The following AGAP1 variants were observed in gnomAD, a reference collection of about 807,000 sequenced individuals.
AGAP1 encodes ArfGAP with GTPase domain, ankyrin repeat and PH domain 1.
In AGAP1, 29 loss-of-function variants were observed where a neutral mutation model predicts 105.3. That is an observed-to-expected ratio of 0.28 (90% CI 0.21 to 0.38). The LOEUF is 0.38. Ranked by LOEUF, AGAP1 falls within the 10% of genes least tolerant of loss-of-function variation. The pLI is 1.00. For synonymous variants in AGAP1, 509 were observed against 485.9 expected (o/e 1.05, Z -0.63); for missense variants, 998 against 1,165.1 (o/e 0.86, Z 2.09).
chr2:235,883,155 C>T lies in AGAP1; in HGVS notation c.1051-190C>T, dbSNP rs1168663661. Among the ~76,000 whole-genome samples the T allele has an allele frequency of 6.6e-6, 1 of 151,986 alleles. No homozygotes were observed. Among genetic ancestry groups the T allele is most frequent in the East Asian group, 1.9e-4 (1 of 5,182 alleles). ...TTTAGCAGTTAATTATCCAAAAGAT[C>T]TAGTGTAGCACGTCTCAATGTGTTT... On this transcript the variant is annotated intron_variant, in intron 9 of 17. Transcript: ENST00000304032. This position sits in a 1 kb window ranked among gnomAD's most constrained non-coding sequence, Gnocchi z 4.5.
At chr2:235,941,851 G>GT (rs944749548) in intron 12 of AGAP1, among the ~76,000 whole-genome samples, 7 of 151,026 alleles carry the variant, frequency 4.6e-5, no homozygotes, top group East Asian at 1.9e-4. Context: ...TTTGTTGTTG[G>GT]GGGGGTAAGA....
At position 236,120,351 on chromosome 2, in the gene AGAP1, C is replaced by G. The variant is rs61744659; in HGVS notation, c.2274C>G (p.Asp758Glu). 2 of 1,611,900 alleles carry G rather than the reference C, an allele frequency of 1.2e-6. No homozygotes were observed. Among genetic ancestry groups the G allele is most frequent in the African/African-American group, 1.3e-5 (1 of 74,992 alleles). Reference sequence around the variant, plus strand: ...TGCTGCTGGCACACGGCTCCCGGGACGAGGTGAACGAGACCTGCGGGGAGG... The same window carrying G: ...TGCTGCTGGCACACGGCTCCCGGGAGGAGGTGAACGAGACCTGCGGGGAGG... ...AILLLAHGSR[D>E]EVNETCGEGD... The change falls in exon 17 of 18, where the codon GAC (aspartate) becomes GAG (glutamate). Residue 758 changes from aspartate (D) to glutamate (E), a missense_variant. By Grantham distance (45) the Asp-to-Glu change is conservative. This residue lies in a region of AGAP1 where 235 missense variants were observed against 270.7 expected (regional missense o/e 0.87). Transcript: ENST00000304032. The surrounding 1 kb of genome is among the most constrained non-coding windows in gnomAD (Gnocchi z 6.0).
chr2:235,686,661 A>T (rs1219638809), intron 1 of AGAP1, among the ~76,000 whole-genome samples: 9,502 of 47,788 alleles, frequency 0.2, 1,011 homozygotes, highest in Admixed American at 0.27. Context: ...ATATATATAT[A>T]TATATTTTTT....
At chr2:236,079,940 T>C (rs544113112) in intron 16 of AGAP1, among the ~76,000 whole-genome samples, 70 of 152,316 alleles carry the variant, frequency 4.6e-4, no homozygotes, top group African/African-American at 1.6e-3. Context: ...GTCTAAGATA[T>C]GAGACTTCAG....
At chr2:235,634,777 T>G (rs1946938577) in intron 1 of AGAP1, among the ~76,000 whole-genome samples, 1 of 152,208 alleles carries the variant, frequency 6.6e-6, no homozygotes, top group South Asian at 2.1e-4. Context: ...TTGATCAAAA[T>G]AAAACCATCT....
Position 235,961,817 on chromosome 2 carries a change from C to T in AGAP1, c.1484-6645C>T, listed in dbSNP as rs184135895. 1.1e-4 allele frequency among the ~76,000 whole-genome samples: 17 copies of T among 152,242 alleles called. No individual in the cohort carries two copies. In the East Asian group the frequency reaches 2.5e-3, roughly 23 times the overall value. ...CCAGGAGGCAGAGGTGGCAGTGAGC[C>T]GAGATCACGCCACTGCACTACAGCC... On this transcript the variant is annotated intron_variant, in intron 12 of 17. Transcript: ENST00000304032. This position sits in a 1 kb window ranked among gnomAD's most constrained non-coding sequence, Gnocchi z 5.9.
At chr2:236,093,267 A>G (rs2059110285) in intron 16 of AGAP1, among the ~76,000 whole-genome samples, 1 of 152,002 alleles carries the variant, frequency 6.6e-6, no homozygotes, top group African/African-American at 2.4e-5. Context: ...CACCCCTGGG[A>G]GGGGAGGAAC....
Position 235,750,109 on chromosome 2 carries a change from T to C in AGAP1, c.539-245T>C, listed in dbSNP as rs1324877451. ...ACCCATATTTAAGTCTTTTTCCTTC[T>C]TTCTGAACATTTTAAAATTGCAGTT... On this transcript the variant is annotated intron_variant, in intron 5 of 17. Transcript: ENST00000304032. This position sits in a 1 kb window ranked among gnomAD's most constrained non-coding sequence, Gnocchi z 5.3. Among the ~76,000 whole-genome samples the C allele has an allele frequency of 2.0e-5, 3 of 152,220 alleles. No homozygotes were observed. Among genetic ancestry groups the C allele is most frequent in the African/African-American group, 7.2e-5 (3 of 41,450 alleles).
At position 235,574,739 on chromosome 2, in the gene AGAP1, G is replaced by A. The variant is rs1408997302; in HGVS notation, c.163+79890G>A. Among the ~76,000 whole-genome samples, 1 of 152,140 alleles carries A rather than the reference G, an allele frequency of 6.6e-6. No individual in the cohort carries two copies. Among genetic ancestry groups the A allele is most frequent in the Non-Finnish European group, 1.5e-5 (1 of 68,030 alleles). ...GAATAATGGACCAAGTACACCAGGAGGGAATGAACGAGAAAAATAAAAGAA... is the reference window on the plus strand; with the variant it reads ...GAATAATGGACCAAGTACACCAGGAAGGAATGAACGAGAAAAATAAAAGAA... On this transcript the variant is annotated intron_variant, in intron 1 of 17. Coordinates refer to ENST00000304032, the MANE Select transcript of AGAP1 (RefSeq NM_001037131.3). This position sits in a 1 kb window ranked among gnomAD's most constrained non-coding sequence, Gnocchi z 5.0.
At chr2:236,060,095 C>T (rs1029891712) in intron 16 of AGAP1, among the ~76,000 whole-genome samples, 1 of 150,982 alleles carries the variant, frequency 6.6e-6, no homozygotes, top group Admixed American at 6.6e-5. Context: ...CGTCTCAAAA[C>T]ACACACACAC....
Position 235,714,566 on chromosome 2 carries a change from G to C in AGAP1, c.223-2991G>C, listed in dbSNP as rs900234424. 3.3e-5 allele frequency among the ~76,000 whole-genome samples: 5 copies of C among 151,716 alleles called. No individual in the cohort carries two copies. The highest frequency in any genetic ancestry group is 7.4e-5 in the Non-Finnish European group (5 of 67,968). ...GGGAGCGGGCAGATGAGAGGCGGGA[G>C]GGTTGTAACTGGGGTGTAAGAGGAC... On this transcript the variant is annotated intron_variant, in intron 2 of 17. Coordinates refer to ENST00000304032, the MANE Select transcript of AGAP1 (RefSeq NM_001037131.3). This position sits in a 1 kb window ranked among gnomAD's most constrained non-coding sequence, Gnocchi z 4.1.
rs974209376 is a variant in AGAP1, at chr2:235,586,529, C to T, written c.163+91680C>T. Among the ~76,000 whole-genome samples, 1 of 152,190 alleles carries T rather than the reference C, an allele frequency of 6.6e-6. No individual in the cohort carries two copies. Among genetic ancestry groups the T allele is most frequent in the South Asian group, 2.1e-4 (1 of 4,832 alleles). On this transcript the variant is annotated intron_variant, in intron 1 of 17. Transcript: ENST00000304032. The surrounding 1 kb of genome is among the most constrained non-coding windows in gnomAD (Gnocchi z 4.2). Reference sequence around the variant, plus strand: ...AAGTATTTTGAGTGCTCCTTATGTCCATGCAGAGGCTGACTCCAGAGGATG... The same window carrying T: ...AAGTATTTTGAGTGCTCCTTATGTCTATGCAGAGGCTGACTCCAGAGGATG...
intron 9 of AGAP1, among the ~76,000 whole-genome samples, chr2:235,819,804 C>T (rs1353723400): frequency 6.6e-6 from 1 of 151,922 alleles, no homozygotes; most frequent in Non-Finnish European, 1.5e-5. Flanking sequence ...GCGTTGTGTA[C>T]ACAGCAGGGA....
chr2:235,540,173 CAG>C (rs1183582750), intron 1 of AGAP1, among the ~76,000 whole-genome samples: 1 of 127,804 alleles, frequency 7.8e-6, no homozygotes, highest in Admixed American at 8.3e-5. Flanking sequence ...TTTTTTGAGA[CAG>C]AGTCTTACTC....
Position 235,919,456 on chromosome 2 carries a change from AC to A in AGAP1, c.1324+10553del, listed in dbSNP as rs1206703872. 6.6e-6 allele frequency among the ~76,000 whole-genome samples: 1 copy of A among 151,978 alleles called. No homozygotes were observed. Among genetic ancestry groups the A allele is most frequent in the Admixed American group, 6.6e-5 (1 of 15,264 alleles). On this transcript the variant is annotated intron_variant, in intron 11 of 17. Coordinates refer to ENST00000304032, the MANE Select transcript of AGAP1 (RefSeq NM_001037131.3). The surrounding 1 kb of genome is among the most constrained non-coding windows in gnomAD (Gnocchi z 4.1). ...ACATCCCAACCAGCAAACCTGTAAAACCCGCCTCATGTTATCAGACTTGTGA... is the reference window on the plus strand; with the variant it reads ...ACATCCCAACCAGCAAACCTGTAAAACCGCCTCATGTTATCAGACTTGTGA...
At position 236,036,039 on chromosome 2, in the gene AGAP1, A is replaced by G. The variant is rs775737992; in HGVS notation, c.1646-522A>G. On this transcript the variant is annotated intron_variant, in intron 13 of 17. Coordinates refer to ENST00000304032, the MANE Select transcript of AGAP1 (RefSeq NM_001037131.3). This position sits in a 1 kb window ranked among gnomAD's most constrained non-coding sequence, Gnocchi z 5.7. ...TCCTAAGGCACGCGGGATCCCATGCACTCTCCCTGTCTGAAAACGTGGGAA... is the reference window on the plus strand; with the variant it reads ...TCCTAAGGCACGCGGGATCCCATGCGCTCTCCCTGTCTGAAAACGTGGGAA... Among the ~76,000 whole-genome samples the G allele has an allele frequency of 9.9e-5, 15 of 151,814 alleles. No individual in the cohort carries two copies. The highest frequency in any genetic ancestry group is 1.6e-4 in the Non-Finnish European group (11 of 67,958).
chr2:235,969,737 T>G (rs558351194), intron 13 of AGAP1, among the ~76,000 whole-genome samples: 2 of 152,276 alleles, frequency 1.3e-5, no homozygotes, highest in South Asian at 4.1e-4. Flanking sequence ...GCTGTGTGTT[T>G]CCATAACACC....
chr2:235,752,173 A>G lies in AGAP1; in HGVS notation c.673+1685A>G, dbSNP rs1953498856. Among the ~76,000 whole-genome samples the G allele has an allele frequency of 6.6e-6, 1 of 152,124 alleles. No homozygotes were observed. Among genetic ancestry groups the G allele is most frequent in the Non-Finnish European group, 1.5e-5 (1 of 68,012 alleles). ...ATGAGGCCAGCTGCCTGTTTTCATA[A>G]ATAGACTTTTCTTCTTTTTTTTGGA... On this transcript the variant is annotated intron_variant, in intron 6 of 17. Transcript: ENST00000304032. This position sits in a 1 kb window ranked among gnomAD's most constrained non-coding sequence, Gnocchi z 4.3.
chr2:235,761,616 C>CA (rs1177952566), intron 6 of AGAP1, among the ~76,000 whole-genome samples: 1 of 152,000 alleles, frequency 6.6e-6, no homozygotes, highest in Non-Finnish European at 1.5e-5. Context: ...TTCATAATGC[C>CA]ACGGCATTCT....
Sources: gnomAD v4.1 joint callset for allele counts (sites outside exome capture counted in the v4.1 genomes callset) on GRCh38, gnomAD v4.1.1 for gene constraint, gnomAD v4.1.1 regional missense constraint, Gnocchi (gnomAD v3.1) non-coding constraint, MANE v1.5 for transcripts, NCBI Gene and HGNC (gene_info 2026-07-23, HGNC 2026-07-21) for gene names.